Variants in EIF2AK3 observed in about 807,000 individuals in gnomAD.
EIF2AK3 encodes the protein eukaryotic translation initiation factor 2-alpha kinase 3.
In EIF2AK3, 50 loss-of-function variants were observed where a neutral mutation model predicts 113.5. The observed-to-expected ratio is 0.44, with a 90% CI of 0.35 to 0.56. The LOEUF (loss-of-function observed/expected upper bound fraction) is 0.56, where lower values mean the gene tolerates loss of function less well. Ranked by LOEUF, EIF2AK3 falls within the 20% of genes least tolerant of loss-of-function variation. The pLI is 0.00. For synonymous variants in EIF2AK3, 448 were observed against 495.4 expected (o/e 0.90, Z 1.27); for missense variants, 1,185 against 1,378.0 (o/e 0.86, Z 2.22).
In EIF2AK3 at chr2:88,557,676, T is replaced by G. The variant is rs1328208003; in HGVS notation, c.*60A>C. The G allele has an allele frequency of 6.4e-7, 1 of 1,570,940 alleles. No individual in the cohort carries two copies. Among genetic ancestry groups the G allele is most frequent in the Non-Finnish European group, 8.8e-7 (1 of 1,140,752 alleles). ...TCAAGTCTGCAATTTTGGACAGGCA[T>G]ATTCTAAGAAGTAGGCTATTATCTG... On this transcript the variant is annotated 3_prime_UTR_variant, in exon 17 of 17. Transcript: ENST00000303236.
intron 2 of EIF2AK3, among the ~76,000 whole-genome samples, chr2:88,601,845 T>C (rs1675158615): frequency 6.8e-6 from 1 of 147,914 alleles, no homozygotes; most frequent in Non-Finnish European, 1.5e-5. Context: ...TTTTTTTTTT[T>C]TTTTTTTTTT....
At chr2:88,576,451 GTTCC>G (rs1674459219) in intron 12 of EIF2AK3, 99 bp downstream of exon 12, 1 of 1,516,102 alleles carries the variant, frequency 6.6e-7, no homozygotes, top group African/African-American at 1.4e-5. Flanking sequence ...GAACTCTGCT[GTTCC>G]TTTTCTTTAA....
chr2:88,575,300 C>A lies in EIF2AK3; in HGVS notation c.2183G>T (p.Cys728Phe). Residue 728 changes from cysteine to phenylalanine, a missense_variant, in exon 13 of 17, where the codon TGT becomes TTT. Physicochemically the swap from Cys to Phe is radical, Grantham distance 205. Around this residue, in one of 3 missense-constraint regions of EIF2AK3, gnomAD observed 877 missense variants for 1,024.2 expected, o/e 0.86. Coordinates refer to ENST00000303236, the MANE Select transcript of EIF2AK3 (RefSeq NM_004836.7). Reference sequence around the variant, plus strand: ...GCTCTCAGATGAACTTGTCTGGTCACAGGAAATCCCTACTGAAAAAGACCT... The same window carrying A: ...GCTCTCAGATGAACTTGTCTGGTCAAAGGAAATCCCTACTGAAAAAGACCT... ...RSRSFSVGIS[C>F]DQTSSSESQF... The A allele has an allele frequency of 6.2e-7, 1 of 1,614,150 alleles. No homozygotes were observed. Among genetic ancestry groups the A allele is most frequent in the Non-Finnish European group, 8.5e-7 (1 of 1,180,012 alleles).
chr2:88,604,277 T>C (rs758933356), intron 2 of EIF2AK3, among the ~76,000 whole-genome samples: 1 of 152,178 alleles, frequency 6.6e-6, no homozygotes, highest in Non-Finnish European at 1.5e-5. Flanking sequence ...TTTCGGCTGC[T>C]CTCTCCCAAC....
rs759604047 is a variant in EIF2AK3 at position 88,595,455 on chromosome 2, G to A, written c.633+14C>T. 6.2e-7 allele frequency: 1 copy of A among 1,613,016 alleles called. No individual in the cohort carries two copies. Among genetic ancestry groups the A allele is most frequent in the South Asian group, 1.1e-5 (1 of 91,068 alleles). ...CTCTGATTTCCCCAAAGTAAATTCAGCATTTTCACTTACCTTTCCACTATA... is the reference window on the plus strand; with the variant it reads ...CTCTGATTTCCCCAAAGTAAATTCAACATTTTCACTTACCTTTCCACTATA... On this transcript the variant is annotated intron_variant, in intron 3 of 16. Transcript: ENST00000303236.
At chr2:88,627,620 C>T (rs576926747), upstream of EIF2AK3, 1 of 254,790 alleles carries the variant, frequency 3.9e-6, no homozygotes, top group African/African-American at 2.2e-5. Flanking sequence ...GTAATTTCGT[C>T]GTTCGAGGCC....
chr2:88,617,780 T>A (rs1238325834), intron 1 of EIF2AK3, among the ~76,000 whole-genome samples: 1 of 151,118 alleles, frequency 6.6e-6, no homozygotes. Context: ...AAAACTACCA[T>A]TGGGTACTAT....
chr2:88,613,816 C>G lies in EIF2AK3; in HGVS notation c.346G>C (p.Ala116Pro). ...VIISTLDGRI[A>P]ALDPENHGKK... ...CCATGATTTTCAGGATCCAAGGCAGCAATTCTCCCATCTAAAGTGCTGATA... is the reference window on the plus strand; with the variant it reads ...CCATGATTTTCAGGATCCAAGGCAGGAATTCTCCCATCTAAAGTGCTGATA... The change falls in exon 2 of 17, where the codon GCT becomes CCT. Residue 116 changes from alanine to proline, a missense_variant. Coordinates refer to ENST00000303236, the MANE Select transcript of EIF2AK3 (RefSeq NM_004836.7). 6.2e-7 allele frequency: 1 copy of G among 1,613,658 alleles called. No homozygotes were observed. Among genetic ancestry groups the G allele is most frequent in the Non-Finnish European group, 8.5e-7 (1 of 1,179,586 alleles).
chr2:88,621,016 G>A (rs550297679), intron 1 of EIF2AK3, among the ~76,000 whole-genome samples: 2 of 152,166 alleles, frequency 1.3e-5, no homozygotes, highest in Non-Finnish European at 2.9e-5. Flanking sequence ...ATTTACCTAA[G>A]GTTATGCACC....
At chr2:88,598,857 G>A (rs1474390840) in intron 2 of EIF2AK3, among the ~76,000 whole-genome samples, 1 of 152,136 alleles carries the variant, frequency 6.6e-6, no homozygotes, top group Non-Finnish European at 1.5e-5. Flanking sequence ...GTATTTAAGA[G>A]TAAAGGGCCA....
chr2:88,557,810 G>A lies in EIF2AK3; in HGVS notation c.3277C>T (p.Arg1093Cys), dbSNP rs765299033. 8.1e-6 allele frequency: 13 copies of A among 1,613,984 alleles called. No individual in the cohort carries two copies. The highest frequency in any genetic ancestry group is 2.2e-5 in the East Asian group (1 of 44,894). ...TTTGTTCCCGATGAACTCAAGGAGC[G>A]AGACCTCTGTCTGAGCACTGTTTTT... ...PGKTVLRQRSRSLSSSGTKHS... is the reference protein window; with the variant it reads ...PGKTVLRQRSCSLSSSGTKHS... The change falls in exon 17 of 17, where the codon CGC becomes TGC. Residue 1093 changes from arginine (R) to cysteine (C), a missense_variant. This residue lies in a region of EIF2AK3 where 877 missense variants were observed against 1,024.2 expected (regional missense o/e 0.86). Transcript: ENST00000303236.
At chr2:88,589,764 G>A (rs1023386197) in intron 6 of EIF2AK3, among the ~76,000 whole-genome samples, 8 of 151,762 alleles carry the variant, frequency 5.3e-5, no homozygotes, top group Non-Finnish European at 1.0e-4. Flanking sequence ...GTTTGGGGTA[G>A]GCTCTAACTC....
chr2:88,617,650 AG>A, intron 1 of EIF2AK3, among the ~76,000 whole-genome samples: 1 of 151,828 alleles, frequency 6.6e-6, no homozygotes, highest in African/African-American at 2.4e-5. Flanking sequence ...CCACCTACTC[AG>A]GAGGCTAAGG....
chr2:88,568,351 A>C (rs1037121215), intron 14 of EIF2AK3, among the ~76,000 whole-genome samples: 10 of 152,216 alleles, frequency 6.6e-5, no homozygotes, highest in African/African-American at 2.4e-5. Flanking sequence ...TGACATTTGC[A>C]CTGACAGAAC....
intron 3 of EIF2AK3, chr2:88,594,030 T>A: frequency 1.2e-6 from 1 of 852,590 alleles, no homozygotes; most frequent in Non-Finnish European, 1.4e-6. Context: ...AGTGCTTTGC[T>A]CAAAAAACGG....
At chr2:88,593,035 G>A (rs1038233124) in intron 4 of EIF2AK3, among the ~76,000 whole-genome samples, 5 of 151,910 alleles carry the variant, frequency 3.3e-5, no homozygotes, top group Middle Eastern at 3.4e-3. Context: ...CCCGGTACTC[G>A]GGAGGCAGAG....
At position 88,576,755 on chromosome 2, in the gene EIF2AK3, G is replaced by T. The variant is rs780596411; in HGVS notation, c.1887-52C>A. 1.0e-5 allele frequency: 16 copies of T among 1,592,920 alleles called. No individual in the cohort carries two copies. In the South Asian group the frequency reaches 1.8e-4, roughly 18 times the overall value. On this transcript the variant is annotated intron_variant, in intron 11 of 16. Transcript: ENST00000303236. ...ATGGATATTCCAATTACACTGATTTGATCTTTACAAATTATATGACTTATA... is the reference window on the plus strand; with the variant it reads ...ATGGATATTCCAATTACACTGATTTTATCTTTACAAATTATATGACTTATA...
At chr2:88,565,561 C>T (rs1368967377) in intron 14 of EIF2AK3, among the ~76,000 whole-genome samples, 4 of 151,588 alleles carry the variant, frequency 2.6e-5, no homozygotes, top group African/African-American at 4.9e-5. Context: ...AGGCCGGTCT[C>T]GAACTCTGAA....
rs1301060712 is a variant in EIF2AK3, at chr2:88,583,555, AAAAC to A, written c.1651-17_1651-14del. On this transcript the variant is annotated splice_polypyrimidine_tract_variant and intron_variant, in intron 9 of 16. Transcript: ENST00000303236. ...ACTCCTTCCTTTGCTGATAAGGTGA[AAAAC>A]AAAATCACTACCAGTACAAAGCTGA... 1 of 1,595,916 alleles carries A rather than the reference AAAAC, an allele frequency of 6.3e-7. No homozygotes were observed. Among genetic ancestry groups the A allele is most frequent in the Non-Finnish European group, 8.6e-7 (1 of 1,164,560 alleles).
Sources: gnomAD v4.1 joint callset for allele counts (sites outside exome capture counted in the v4.1 genomes callset) on GRCh38, gnomAD v4.1.1 for gene constraint, gnomAD v4.1.1 regional missense constraint, MANE v1.5 for transcripts, NCBI Gene and HGNC (gene_info 2026-07-23, HGNC 2026-07-21) for gene names.